MCCC1: variants seen among roughly 807,000 people sequenced by gnomAD.
The protein encoded by MCCC1 is methylcrotonoyl-CoA carboxylase subunit alpha, mitochondrial.
MCCC1 carries 64 observed loss-of-function variants against 83.8 expected under a neutral mutation model. The observed-to-expected ratio is 0.76, with a 90% CI of 0.62 to 0.94. MCCC1 has a LOEUF of 0.94. MCCC1 is among the 40% of genes least tolerant of loss of function. The probability of loss-of-function intolerance (pLI) is 0.00; values close to 1 mark genes in which losing one functional copy is unlikely to be tolerated. For missense variants in MCCC1, 807 were observed against 904.7 expected, an observed-to-expected ratio of 0.89 and a Z score of 1.39; for synonymous variants, 322 against 315.4, an observed-to-expected ratio of 1.02 and a Z score of -0.22.
At chr3:183,103,759 C>T (rs1719359225), upstream of MCCC1, among the ~76,000 whole-genome samples, 1 of 152,230 alleles carries the variant, frequency 6.6e-6, no homozygotes, top group Non-Finnish European at 1.5e-5. Flanking sequence ...CTCCTCAGCC[C>T]TTGGGTGGTC....
chr3:183,024,917 A>C (rs1231205948), intron 15 of MCCC1, among the ~76,000 whole-genome samples: 1 of 152,152 alleles, frequency 6.6e-6, no homozygotes, highest in African/African-American at 2.4e-5. Flanking sequence ...TGAATGGATA[A>C]AGAATATGTG....
rs186209189 is a variant in MCCC1 at position 183,071,223 on chromosome 3, C to T, written c.626G>A (p.Gly209Asp). Reference sequence around the variant, plus strand: ...GCACAATCTTACTTTTCCTCCTCCACCCCGGACGGCTTTAATCATGACAGG... The same window carrying T: ...GCACAATCTTACTTTTCCTCCTCCATCCCGGACGGCTTTAATCATGACAGG... The part of the protein sequence containing the change: ...GYPVMIKAVR[G>D]GGGKGMRIVR... The change falls in exon 6 of 19, where the codon GGT (glycine) becomes GAT (aspartate). Residue 209 changes from glycine (G) to aspartate (D), a missense_variant. Transcript: ENST00000265594. 2 of 1,614,220 alleles carry T rather than the reference C, an allele frequency of 1.2e-6. No homozygotes were observed. Among genetic ancestry groups the T allele is most frequent in the Admixed American group, 3.3e-5 (2 of 60,022 alleles).
chr3:183,055,381 G>A (rs556752520), intron 8 of MCCC1, among the ~76,000 whole-genome samples: 1 of 152,162 alleles, frequency 6.6e-6, no homozygotes, highest in African/African-American at 2.4e-5. Flanking sequence ...CTGCACTCCG[G>A]CCTGGGTGAC....
intron 4 of MCCC1, among the ~76,000 whole-genome samples, chr3:183,078,981 T>C (rs1230043615): frequency 2.0e-5 from 3 of 152,200 alleles, no homozygotes; most frequent in African/African-American, 7.2e-5. Flanking sequence ...TGAGACTCAT[T>C]CATGACCATG....
chr3:183,043,255 C>G (rs1231971835), intron 10 of MCCC1, among the ~76,000 whole-genome samples: 2 of 152,240 alleles, frequency 1.3e-5, no homozygotes, highest in East Asian at 3.8e-4. Flanking sequence ...CCATTGCACT[C>G]CAGCCTGGGC....
chr3:183,078,027 A>G (rs79809024), intron 4 of MCCC1, among the ~76,000 whole-genome samples: 4,125 of 152,102 alleles, frequency 0.027, 168 homozygotes, highest in East Asian at 0.11. Flanking sequence ...GTAGCTTTAT[A>G]TATATATTTT....
chr3:183,054,224 C>A (rs1290031284), intron 8 of MCCC1, among the ~76,000 whole-genome samples: 4 of 141,370 alleles, frequency 2.8e-5, no homozygotes, highest in Non-Finnish European at 6.1e-5. Flanking sequence ...CTTGCTCTGT[C>A]GCCCAGGCTG....
chr3:183,097,341 T>C (rs1718816207), intron 1 of MCCC1, among the ~76,000 whole-genome samples: 1 of 152,256 alleles, frequency 6.6e-6, no homozygotes, highest in African/African-American at 2.4e-5. Flanking sequence ...TTATTTTCTG[T>C]GAGCTACTAA....
chr3:183,082,677 G>GCAAT (rs1202626079), intron 4 of MCCC1, among the ~76,000 whole-genome samples: 37 of 152,286 alleles, frequency 2.4e-4, no homozygotes, highest in African/African-American at 7.9e-4. Context: ...AAGACAACTG[G>GCAAT]CAATCGAGAG....
intron 14 of MCCC1, among the ~76,000 whole-genome samples, chr3:183,028,126 A>G (rs1187521695): frequency 6.6e-6 from 1 of 152,226 alleles, no homozygotes; most frequent in Non-Finnish European, 1.5e-5. Flanking sequence ...GTTGAATTAA[A>G]TGCTCATTTA....
At chr3:183,046,909 G>C (rs1476130031) in intron 9 of MCCC1, among the ~76,000 whole-genome samples, 2 of 152,188 alleles carry the variant, frequency 1.3e-5, no homozygotes, top group Non-Finnish European at 2.9e-5. Context: ...GGAGAAGCCT[G>C]AGCTGTAATT....
intron 4 of MCCC1, among the ~76,000 whole-genome samples, chr3:183,075,704 C>T (rs1717021127): frequency 6.6e-6 from 1 of 152,050 alleles, no homozygotes. Flanking sequence ...CCACGCCCTG[C>T]TAATCTTTTT....
chr3:183,070,952 AT>A, intron 7 of MCCC1, 46 bp downstream of exon 7: 1 of 1,563,330 alleles, frequency 6.4e-7, no homozygotes, highest in South Asian at 1.2e-5. Context: ...CATTATTTTT[AT>A]AATTTAATTT....
In MCCC1 at chr3:183,027,254, C is replaced by CT. The variant is rs112234673; in HGVS notation, c.1682-1451dup. On this transcript the variant is annotated intron_variant, in intron 14 of 18. Transcript: ENST00000265594. ...CCTGTCTCTCTCCCTCTCTATGGGTCTCCCTATTCCCTGAGGCAATACAAT... is the reference window on the plus strand; with the variant it reads ...CCTGTCTCTCTCCCTCTCTATGGGTCTTCCCTATTCCCTGAGGCAATACAAT... Among the ~76,000 whole-genome samples the CT allele has an allele frequency of 4.5e-3, 692 of 152,260 alleles. 3 individuals are homozygous for CT. Among genetic ancestry groups the CT allele is most frequent in the African/African-American group, 0.016 (661 of 41,540 alleles).
intron 4 of MCCC1, among the ~76,000 whole-genome samples, chr3:183,072,861 T>C (rs1560259683): frequency 6.6e-6 from 1 of 152,348 alleles, no homozygotes; most frequent in South Asian, 2.1e-4. Flanking sequence ...TCCCTTTCCT[T>C]AGTCCCTAGT....
rs757362635 is a variant in MCCC1, at chr3:183,071,290, A to T, written c.559T>A (p.Ser187Thr). The change falls in exon 6 of 19, where the codon TCA (serine) becomes ACA (threonine). Residue 187 changes from serine to threonine, a missense_variant. Transcript: ENST00000265594. ...VVEGYHGEDQ[S>T]DQCLKEHARR... ...GCGTGTTCCTTCAGGCACTGGTCTGATTGGTCCTCACCATGATAACCCTCC... is the reference window on the plus strand; with the variant it reads ...GCGTGTTCCTTCAGGCACTGGTCTGTTTGGTCCTCACCATGATAACCCTCC... The T allele has an allele frequency of 6.2e-7, 1 of 1,614,104 alleles. No individual in the cohort carries two copies. Among genetic ancestry groups the T allele is most frequent in the African/African-American group, 1.3e-5 (1 of 74,940 alleles).
At chr3:183,085,865 C>G (rs1005816304) in intron 4 of MCCC1, among the ~76,000 whole-genome samples, 4 of 152,066 alleles carry the variant, frequency 2.6e-5, no homozygotes, top group Admixed American at 2.6e-4. Flanking sequence ...TCCTTCTCCT[C>G]ACCGCCGGGA....
chr3:183,029,573 T>C (rs139684870), intron 14 of MCCC1, among the ~76,000 whole-genome samples: 1 of 152,340 alleles, frequency 6.6e-6, no homozygotes, highest in African/African-American at 2.4e-5. Flanking sequence ...CTGTGAAACA[T>C]GGCCTCTAGT....
chr3:183,055,797 G>A (rs1011766991), intron 8 of MCCC1, among the ~76,000 whole-genome samples: 1 of 152,062 alleles, frequency 6.6e-6, no homozygotes, highest in African/African-American at 2.4e-5. Context: ...ATACTCTGGA[G>A]GCTGAGGTGA....
Sources: gnomAD v4.1 joint callset for allele counts (sites outside exome capture counted in the v4.1 genomes callset) on GRCh38, gnomAD v4.1.1 for gene constraint, MANE v1.5 for transcripts, NCBI Gene and HGNC (gene_info 2026-07-23, HGNC 2026-07-21) for gene names.